The following SPATA13 variants were observed in gnomAD, a reference collection of about 807,000 sequenced individuals.
SPATA13 encodes spermatogenesis-associated protein 13.
SPATA13 carries 50 observed loss-of-function variants against 104.0 expected under a neutral mutation model. That is an observed-to-expected ratio of 0.48 (90% confidence interval 0.38 to 0.61). SPATA13 has a LOEUF of 0.61. Among genes scored for constraint, SPATA13 ranks in the 20% least tolerant of loss-of-function variants. The pLI, the probability that SPATA13 is intolerant of heterozygous loss-of-function variation, is 0.00. For synonymous variants in SPATA13, 606 were observed against 667.5 expected (o/e 0.91, Z 1.42); for missense variants, 1,524 against 1,690.6 (o/e 0.90, Z 1.73).
At chr13:24,042,350 C>G (rs1297131481) in intron 3 of SPATA13, among the ~76,000 whole-genome samples, 1 of 152,214 alleles carries the variant, frequency 6.6e-6, no homozygotes, top group Non-Finnish European at 1.5e-5. Flanking sequence ...TGTAAAAGTT[C>G]AAGTTGGAAA....
At chr13:24,019,847 C>A (rs569317648) in intron 3 of SPATA13, among the ~76,000 whole-genome samples, 8 of 152,168 alleles carry the variant, frequency 5.3e-5, no homozygotes, top group African/African-American at 7.2e-5. Context: ...GTCACATTAG[C>A]GTTCACAGGC....
chr13:24,192,764 A>G (rs1869836712), intron 1 of SPATA13, among the ~76,000 whole-genome samples: 1 of 152,096 alleles, frequency 6.6e-6, no homozygotes, highest in African/African-American at 2.4e-5. Flanking sequence ...AAGGGGTGCC[A>G]TGGAGACAGA....
At chr13:24,043,833 T>C (rs910522747) in intron 3 of SPATA13, among the ~76,000 whole-genome samples, 26 of 152,174 alleles carry the variant, frequency 1.7e-4, no homozygotes, top group African/African-American at 6.3e-4. Flanking sequence ...CCTGACTCTA[T>C]TGGAAATGAC....
intron 4 of SPATA13, among the ~76,000 whole-genome samples, chr13:24,269,750 T>TTC (rs1874474685): frequency 7.0e-6 from 1 of 142,856 alleles, no homozygotes; most frequent in Non-Finnish European, 1.5e-5. Flanking sequence ...AATTTTTTTT[T>TTC]TTTTTTTTTT....
intron 1 of SPATA13, among the ~76,000 whole-genome samples, chr13:24,202,238 A>G (rs191332891): frequency 1.8e-4 from 27 of 152,192 alleles, no homozygotes; most frequent in Non-Finnish European, 3.5e-4. Flanking sequence ...TTTTTATCCT[A>G]GGATTTAAGT....
At chr13:23,979,808 C>G (rs987006586) in exon 1 of SPATA13, 2 of 152,648 alleles carry the variant, frequency 1.3e-5, no homozygotes, top group Non-Finnish European at 2.9e-5. Flanking sequence ...GGGCGGCGCG[C>G]ACCCGGGACA....
chr13:24,174,151 G>A (rs1258380558), intron 1 of SPATA13, among the ~76,000 whole-genome samples: 1 of 152,170 alleles, frequency 6.6e-6, no homozygotes, highest in Non-Finnish European at 1.5e-5. Context: ...GTTAAGGGCT[G>A]TTGAAGTTAT....
chr13:24,129,604 G>T (rs985865000), intron 3 of SPATA13, among the ~76,000 whole-genome samples: 1 of 152,164 alleles, frequency 6.6e-6, no homozygotes, highest in Non-Finnish European at 1.5e-5. Context: ...CAGAGGAGAC[G>T]GGCAGGGCCA....
At chr13:24,123,705 T>A in intron 3 of SPATA13, 2 of 1,562,950 alleles carry the variant, frequency 1.3e-6, no homozygotes, top group Non-Finnish European at 1.8e-6. Flanking sequence ...CCAAAGTTCC[T>A]CATCAGCATC....
At chr13:24,103,627 A>T (rs762093000) in intron 3 of SPATA13, among the ~76,000 whole-genome samples, 1 of 152,144 alleles carries the variant, frequency 6.6e-6, no homozygotes, top group African/African-American at 2.4e-5. Context: ...AGCTTGTATA[A>T]CTGTCTATAT....
In SPATA13 at chr13:24,054,037, G is replaced by T. The variant is rs114681973; in HGVS notation, c.-112+36336G>T. On this transcript the variant is annotated intron_variant, in intron 3 of 14. Transcript: ENST00000424834. Reference sequence around the variant, plus strand: ...AGGCTCCTGGACAGCTCTGCCCTGCGGGGACACTCTGAAGAACAGGCACCC... The same window carrying T: ...AGGCTCCTGGACAGCTCTGCCCTGCTGGGACACTCTGAAGAACAGGCACCC... Among the ~76,000 whole-genome samples the T allele has an allele frequency of 7.5e-3, 1,148 of 152,234 alleles. 16 individuals carry two copies. The highest frequency in any genetic ancestry group is 0.027 in the African/African-American group (1,103 of 41,514).
chr13:24,193,458 G>A (rs769834594), intron 1 of SPATA13, among the ~76,000 whole-genome samples: 6 of 152,170 alleles, frequency 3.9e-5, no homozygotes, highest in Non-Finnish European at 7.3e-5. Context: ...GAGGAGTGAG[G>A]CCTGCGGGGG....
Position 24,224,569 on chromosome 13 carries a change from A to G in SPATA13, c.1640A>G (p.Lys547Arg), listed in dbSNP as rs1871822748. ...GGTGTGGCAGCCGGCCCAGAAGAAAAGGAGAAGGAGGAGGTAAGGGCAGCG... is the reference window on the plus strand; with the variant it reads ...GGTGTGGCAGCCGGCCCAGAAGAAAGGGAGAAGGAGGAGGTAAGGGCAGCG... ...NIGVAAGPEE[K>R]EKEEVVPDGP... The change falls in exon 2 of 13, where the codon AAG (lysine) becomes AGG (arginine). Residue 547 changes from lysine to arginine, a missense_variant. Physicochemically the swap from Lys to Arg is conservative, Grantham distance 26. Coordinates refer to ENST00000382108, the MANE Select transcript of SPATA13 (RefSeq NM_001166271.3). 1.3e-6 allele frequency: 2 copies of G among 1,538,322 alleles called. No individual in the cohort carries two copies. The highest frequency in any genetic ancestry group is 1.7e-6 in the Non-Finnish European group (2 of 1,146,870).
chr13:24,257,586 C>T (rs1360379485), intron 4 of SPATA13, among the ~76,000 whole-genome samples: 1 of 151,434 alleles, frequency 6.6e-6, no homozygotes, highest in Non-Finnish European at 1.5e-5. Flanking sequence ...GAAGTAATTG[C>T]TCAATTTGAT....
chr13:24,116,790 G>A (rs1400185570), intron 3 of SPATA13, among the ~76,000 whole-genome samples: 1 of 148,090 alleles, frequency 6.8e-6, no homozygotes, highest in African/African-American at 2.5e-5. Flanking sequence ...CCAATGTGCT[G>A]ATGTTTGGAG....
intron 1 of SPATA13, among the ~76,000 whole-genome samples, chr13:24,196,853 A>T (rs901207372): frequency 6.6e-6 from 1 of 152,146 alleles, no homozygotes; most frequent in Non-Finnish European, 1.5e-5. Flanking sequence ...ACATTTCAAG[A>T]GATAAGGAGA....
At chr13:24,231,789 A>C (rs747767314) in intron 2 of SPATA13, among the ~76,000 whole-genome samples, 6 of 152,172 alleles carry the variant, frequency 3.9e-5, no homozygotes, top group Non-Finnish European at 7.3e-5. Context: ...TCTGGACTCT[A>C]GCTATTCCAG....
chr13:24,055,895 C>T (rs901035287), intron 3 of SPATA13, among the ~76,000 whole-genome samples: 1 of 152,258 alleles, frequency 6.6e-6, no homozygotes, highest in Non-Finnish European at 1.5e-5. Context: ...GACCACGCTA[C>T]ATTAGACAAA....
intron 3 of SPATA13, among the ~76,000 whole-genome samples, chr13:24,108,656 T>C (rs935176881): frequency 1.8e-5 from 1 of 55,450 alleles, no homozygotes; most frequent in African/African-American, 6.4e-5. Context: ...CTGCTTTTCA[T>C]GGTAGGGGGG....
Sources: gnomAD v4.1 joint callset for allele counts (sites outside exome capture counted in the v4.1 genomes callset) on GRCh38, gnomAD v4.1.1 for gene constraint, MANE v1.5 for transcripts, NCBI Gene and HGNC (gene_info 2026-07-23, HGNC 2026-07-21) for gene names.